The following STAM variants were observed in gnomAD, a reference collection of about 807,000 sequenced individuals.
STAM encodes signal transducing adapter molecule 1.
Under a neutral mutation model 63.4 loss-of-function variants are expected in STAM, and 16 were observed. The ratio of observed to expected loss-of-function variants is 0.25; its 90% CI spans 0.17 to 0.38. The LOEUF (loss-of-function observed/expected upper bound fraction) is 0.38, where lower values mean the gene tolerates loss of function less well. STAM is among the 10% of genes least tolerant of loss of function. The pLI is 1.00. For missense variants in STAM, 636 were observed against 657.1 expected (o/e 0.97, Z 0.35); for synonymous variants, 238 against 223.9 (o/e 1.06, Z -0.56).
At chr10:17,713,300 G>A (rs1387487600) in intron 13 of STAM, among the ~76,000 whole-genome samples, 1 of 152,178 alleles carries the variant, frequency 6.6e-6, no homozygotes, top group Non-Finnish European at 1.5e-5. Flanking sequence ...GAAGCCCGGT[G>A]ATTCTGAATG....
At chr10:17,705,088 A>G in intron 11 of STAM, 64 bp downstream of exon 11, 2 of 1,429,978 alleles carry the variant, frequency 1.4e-6, no homozygotes, top group Non-Finnish European at 2.0e-6. Flanking sequence ...CTGTACTGCA[A>G]AGTGGGCTAT....
At chr10:17,654,386 C>G (rs1157043110) in intron 1 of STAM, among the ~76,000 whole-genome samples, 1 of 151,988 alleles carries the variant, frequency 6.6e-6, no homozygotes, top group Non-Finnish European at 1.5e-5. Context: ...CCAAGCCTGG[C>G]TAATTTTTTG....
Position 17,678,049 on chromosome 10 carries a change from A to G in STAM, c.126-6626A>G, listed in dbSNP as rs76634322. Among the ~76,000 whole-genome samples, 40 of 152,294 alleles carry G rather than the reference A, an allele frequency of 2.6e-4. No individual in the cohort carries two copies. In the South Asian group the frequency reaches 6.8e-3, roughly 26 times the overall value. On this transcript the variant is annotated intron_variant, in intron 2 of 13. Coordinates refer to ENST00000377524, the MANE Select transcript of STAM (RefSeq NM_003473.4). ...TTCAGTGGGTTTTAATATGTTCATA[A>G]GTTTGTGCAACAGTATCTAATTCCT...
intron 2 of STAM, among the ~76,000 whole-genome samples, chr10:17,677,882 A>G (rs1174462985): frequency 1.3e-5 from 2 of 152,194 alleles, no homozygotes; most frequent in African/African-American, 4.8e-5. Flanking sequence ...TGTATTTATT[A>G]CAGTGCTAAC....
At chr10:17,705,051 T>C in intron 11 of STAM, 27 bp downstream of exon 11, 1 of 1,601,814 alleles carries the variant, frequency 6.2e-7, no homozygotes, top group Non-Finnish European at 8.5e-7. Context: ...GCATTTATGT[T>C]GTGTACCTTC....
At chr10:17,656,101 T>A (rs1175942139) in intron 1 of STAM, among the ~76,000 whole-genome samples, 1 of 151,982 alleles carries the variant, frequency 6.6e-6, no homozygotes, top group Non-Finnish European at 1.5e-5. Context: ...GAGACCATCC[T>A]GGCTAACACA....
chr10:17,706,569 C>T (rs528321822), intron 12 of STAM, among the ~76,000 whole-genome samples: 4 of 151,918 alleles, frequency 2.6e-5, no homozygotes, highest in South Asian at 2.1e-4. Context: ...TTAGTAGAGA[C>T]GGGGTTTCGC....
At chr10:17,652,260 C>G (rs899565086) in intron 1 of STAM, among the ~76,000 whole-genome samples, 1 of 151,964 alleles carries the variant, frequency 6.6e-6, no homozygotes, top group African/African-American at 2.4e-5. Context: ...AAAAAAAATA[C>G]TTGTTCTTTT....
intron 2 of STAM, among the ~76,000 whole-genome samples, chr10:17,675,229 G>C (rs922551901): frequency 1.3e-5 from 2 of 152,094 alleles, no homozygotes; most frequent in Non-Finnish European, 2.9e-5. Flanking sequence ...TTTTGGCTGG[G>C]CACGTGGCTT....
At chr10:17,702,609 G>C (rs1329794830) in intron 9 of STAM, among the ~76,000 whole-genome samples, 1 of 152,174 alleles carries the variant, frequency 6.6e-6, no homozygotes, top group Non-Finnish European at 1.5e-5. Flanking sequence ...ATCTTTTATG[G>C]GAGGCAGAAA....
chr10:17,696,410 A>C (rs574035304), intron 7 of STAM, among the ~76,000 whole-genome samples: 51 of 152,264 alleles, frequency 3.3e-4, no homozygotes, highest in Middle Eastern at 3.4e-3. Flanking sequence ...GCAATGATTT[A>C]GGAATGGAGA....
In STAM at chr10:17,709,059, G is replaced by A. The variant is rs782421926; in HGVS notation, c.1385+108G>A. 1.8e-5 allele frequency: 24 copies of A among 1,326,696 alleles called. No individual in the cohort carries two copies. The African/African-American group carries it at 2.1e-4, about 11-fold the overall frequency. The allele number at this position is 1,326,696 out of a possible 1,614,324, so 82.2% of individuals were successfully genotyped here. On this transcript the variant is annotated intron_variant, in intron 13 of 13. Coordinates refer to ENST00000377524, the MANE Select transcript of STAM (RefSeq NM_003473.4). Reference sequence around the variant, plus strand: ...TGGCTAATAAATATCTGTGGTCAGCGTCATGCGGCCGCCCCATTTGTGCTA... The same window carrying A: ...TGGCTAATAAATATCTGTGGTCAGCATCATGCGGCCGCCCCATTTGTGCTA...
intron 11 of STAM, 127 bp downstream of exon 11, chr10:17,705,151 TC>T (rs1554829072): frequency 6.7e-6 from 5 of 744,820 alleles, no homozygotes; most frequent in Non-Finnish European, 1.1e-5. Context: ...CATTCACATA[TC>T]TTGTGCTAGA....
chr10:17,701,723 C>T (rs901831754), intron 9 of STAM, among the ~76,000 whole-genome samples: 3 of 152,102 alleles, frequency 2.0e-5, no homozygotes, highest in Non-Finnish European at 4.4e-5. Context: ...TTCGTTTTTA[C>T]CCCCCTCCTC....
intron 6 of STAM, 39 bp downstream of exon 6, chr10:17,693,351 C>G: frequency 6.7e-7 from 1 of 1,481,692 alleles, no homozygotes; most frequent in Non-Finnish European, 9.2e-7. Context: ...ATAACATAAG[C>G]CTTTATTTTT....
rs1554830878 is a variant in STAM at position 17,715,996 on chromosome 10, A to G, written c.*1216A>G. On this transcript the variant is annotated 3_prime_UTR_variant, in exon 14 of 14. Transcript: ENST00000377524. ...TTGGGTTGCTCTTTCTGGCCTTTTA[A>G]AATTCTAATGGAATTATTTTGGCTT... The G allele has an allele frequency of 6.6e-6, 1 of 152,514 alleles. No homozygotes were observed. Among genetic ancestry groups the G allele is most frequent in the East Asian group, 1.9e-4 (1 of 5,190 alleles). The allele number at this position is 152,514 out of a possible 1,614,324, so 9.4% of individuals were successfully genotyped here. A position where few individuals can be genotyped will look rare whatever the true frequency, so the allele number is the denominator to read the frequency against.
chr10:17,644,450 A>G (rs529248948), intron 1 of STAM, 71 bp downstream of exon 1: 45 of 1,589,096 alleles, frequency 2.8e-5, no homozygotes, highest in South Asian at 1.7e-4. Flanking sequence ...CCCTGCCTGC[A>G]TTCAGGACCC....
intron 1 of STAM, among the ~76,000 whole-genome samples, chr10:17,655,449 A>G (rs1175768058): frequency 6.6e-6 from 1 of 152,120 alleles, no homozygotes; most frequent in Non-Finnish European, 1.5e-5. Context: ...ATTGGTTATT[A>G]TCCACTTGGT....
intron 6 of STAM, 99 bp from the exon 7 acceptor site, chr10:17,694,950 T>G (rs1835690100): frequency 8.8e-7 from 1 of 1,131,778 alleles, no homozygotes; most frequent in African/African-American, 1.6e-5. Context: ...AACTATACTA[T>G]TGAAGGAAGA....
Sources: allele counts gnomAD v4.1 joint callset (sites outside exome capture counted in the v4.1 genomes callset), GRCh38; gene constraint gnomAD v4.1.1; transcripts MANE v1.5; gene names NCBI Gene and HGNC (gene_info 2026-07-23, HGNC 2026-07-21).